Variants in CALD1 observed in about 807,000 individuals in gnomAD.
CALD1 encodes caldesmon 1.
Under a neutral mutation model 99.9 loss-of-function variants are expected in CALD1, and 33 were observed. That is an observed-to-expected ratio of 0.33 (90% CI 0.25 to 0.44). The LOEUF is 0.44. Among genes scored for constraint, CALD1 ranks in the 20% least tolerant of loss-of-function variants. The pLI is 1.00. For synonymous variants in CALD1, 310 were observed against 325.0 expected (o/e 0.95, Z 0.50); for missense variants, 861 against 962.1 (o/e 0.89, Z 1.39).
chr7:134,968,472 C>T lies in CALD1; in HGVS notation c.*127C>T. ...TCATTATCTTTTATTTTTCAATATC[C>T]CAGTAAACCCATGTATATTATCACT... is the stretch of plus-strand genomic sequence containing the variant. On this transcript the variant is annotated 3_prime_UTR_variant, in exon 15 of 15. Coordinates refer to ENST00000361675, the MANE Select transcript of CALD1 (RefSeq NM_033138.4). The T allele has an allele frequency of 1.3e-6, 1 of 786,358 alleles. No individual in the cohort carries two copies. The allele number at this position is 786,358 out of a possible 1,614,324, so 48.7% of individuals were successfully genotyped here.
Position 134,933,368 on chromosome 7 carries a change from G to A in CALD1, c.599G>A (p.Arg200Gln), listed in dbSNP as rs779105236. ...KEEEEEEKPK[R>Q]GSIGENQVEV... ...GAGGAGGAAGAGGAGAAGCCAAAGCGAGGGAGCATTGGAGAAAATCAGGTA... is the reference window on the plus strand; with the variant it reads ...GAGGAGGAAGAGGAGAAGCCAAAGCAAGGGAGCATTGGAGAAAATCAGGTA... Residue 200 changes from arginine to glutamine, a missense_variant, in exon 5 of 15, where the codon CGA becomes CAA. Transcript: ENST00000361675. 6.2e-6 allele frequency: 10 copies of A among 1,608,604 alleles called. No individual in the cohort carries two copies. Among genetic ancestry groups the A allele is most frequent in the African/African-American group, 2.7e-5 (2 of 74,494 alleles).
intron 3 of CALD1, among the ~76,000 whole-genome samples, chr7:134,899,068 A>G (rs1446552033): frequency 6.6e-6 from 1 of 152,260 alleles, no homozygotes; most frequent in Non-Finnish European, 1.5e-5. Flanking sequence ...TTTATCAAGA[A>G]GGGTTTAAAA....
chr7:134,959,047 A>G (rs1372672215), intron 11 of CALD1, among the ~76,000 whole-genome samples: 1 of 151,524 alleles, frequency 6.6e-6, no homozygotes, highest in Non-Finnish European at 1.5e-5. Flanking sequence ...TTTATGGCAC[A>G]TCATTATTTT....
intron 2 of CALD1, among the ~76,000 whole-genome samples, chr7:134,858,939 G>A (rs753395085): frequency 2.6e-4 from 40 of 152,092 alleles, no homozygotes; most frequent in African/African-American, 7.2e-4. Context: ...TCTCTGCACC[G>A]TCTTATATGG....
intron 1 of CALD1, among the ~76,000 whole-genome samples, chr7:134,757,893 A>C (rs75572265): frequency 1.0e-4 from 15 of 148,804 alleles, no homozygotes; most frequent in African/African-American, 2.7e-4. Flanking sequence ...AATAAAAATA[A>C]AAAAAAAAAG....
At chr7:134,745,889 A>G (rs1796630956) in intron 1 of CALD1, among the ~76,000 whole-genome samples, 1 of 152,200 alleles carries the variant, frequency 6.6e-6, no homozygotes, top group Admixed American at 6.5e-5. Context: ...GAGTTTTGGA[A>G]GATTTTGGAA....
At chr7:134,825,296 C>G (rs1166794409) in intron 1 of CALD1, among the ~76,000 whole-genome samples, 2 of 152,150 alleles carry the variant, frequency 1.3e-5, no homozygotes, top group Non-Finnish European at 2.9e-5. Flanking sequence ...CTGAACTTCA[C>G]TTCCAGCTCT....
intron 9 of CALD1, among the ~76,000 whole-genome samples, chr7:134,957,682 A>G (rs62480962): frequency 0.17 from 25,173 of 152,200 alleles, 2,785 homozygotes; most frequent in Admixed American, 0.34. Context: ...CGGCCTCTCA[A>G]AGTGCTAGGA....
At chr7:134,896,699 A>T (rs1222875772) in intron 3 of CALD1, among the ~76,000 whole-genome samples, 1 of 152,148 alleles carries the variant, frequency 6.6e-6, no homozygotes, top group Non-Finnish European at 1.5e-5. Context: ...CTTACCTTTG[A>T]TCTATTGATC....
At chr7:134,745,081 T>C (rs933719160) in intron 1 of CALD1, among the ~76,000 whole-genome samples, 7 of 152,236 alleles carry the variant, frequency 4.6e-5, no homozygotes, top group Non-Finnish European at 4.4e-5. Context: ...TTGCACCTTA[T>C]AGGCACACAA....
chr7:134,830,065 T>C (rs2132065675), intron 1 of CALD1, among the ~76,000 whole-genome samples: 1 of 151,944 alleles, frequency 6.6e-6, no homozygotes, highest in South Asian at 2.1e-4. Context: ...AATTCTGTCC[T>C]GTTTGCTGAG....
chr7:134,719,601 G>T, the CALD1 span, among the ~76,000 whole-genome samples: 1 of 152,212 alleles, frequency 6.6e-6, no homozygotes. Flanking sequence ...AGTTTGCGAG[G>T]GGGGATAGGA....
intron 3 of CALD1, among the ~76,000 whole-genome samples, chr7:134,904,318 C>T (rs1238075450): frequency 6.6e-6 from 1 of 151,780 alleles, no homozygotes; most frequent in Non-Finnish European, 1.5e-5. Context: ...TGGTGGCTCA[C>T]ACCTGTAATC....
At chr7:134,808,955 C>T in intron 1 of CALD1, among the ~76,000 whole-genome samples, 1 of 151,994 alleles carries the variant, frequency 6.6e-6, no homozygotes, top group East Asian at 1.9e-4. Flanking sequence ...GGCTCATTGC[C>T]AAGGGATAAA....
At chr7:134,896,746 C>A (rs780809512) in intron 3 of CALD1, among the ~76,000 whole-genome samples, 9 of 152,192 alleles carry the variant, frequency 5.9e-5, no homozygotes, top group Non-Finnish European at 1.2e-4. Flanking sequence ...TTCTCACATT[C>A]CTCTCAGCCC....
chr7:134,765,639 C>T (rs191010732), intron 1 of CALD1, among the ~76,000 whole-genome samples: 142 of 152,272 alleles, frequency 9.3e-4, no homozygotes, highest in Non-Finnish European at 9.7e-4. Flanking sequence ...TTTGTCCCCA[C>T]CCAAATCTCA....
At chr7:134,883,970 C>T (rs1801728688) in intron 3 of CALD1, among the ~76,000 whole-genome samples, 1 of 152,212 alleles carries the variant, frequency 6.6e-6, no homozygotes, top group Non-Finnish European at 1.5e-5. Context: ...GGCATGGTGG[C>T]ACATGCCTGT....
At chr7:134,740,593 G>A (rs1796584382), upstream of CALD1, among the ~76,000 whole-genome samples, 1 of 152,222 alleles carries the variant, frequency 6.6e-6, no homozygotes, top group African/African-American at 2.4e-5. Flanking sequence ...ATGATCGTGA[G>A]AAGCGTTAGG....
At chr7:134,954,488 T>C (rs1333713275) in intron 9 of CALD1, among the ~76,000 whole-genome samples, 1 of 152,194 alleles carries the variant, frequency 6.6e-6, no homozygotes, top group Non-Finnish European at 1.5e-5. Flanking sequence ...TTAGAGCCAC[T>C]AAGTTAGGAT....
Sources: gnomAD v4.1 joint callset for allele counts (sites outside exome capture counted in the v4.1 genomes callset) on GRCh38, gnomAD v4.1.1 for gene constraint, MANE v1.5 for transcripts, NCBI Gene and HGNC (gene_info 2026-07-23, HGNC 2026-07-21) for gene names.